Variants in FARS2 observed in about 807,000 individuals in gnomAD.
FARS2 encodes the protein phenylalanyl-tRNA synthetase 2, mitochondrial.
A neutral mutation model predicts 46.4 loss-of-function variants in FARS2; 40 were observed. That is an observed-to-expected ratio of 0.86 (90% CI 0.67 to 1.12). The LOEUF is 1.12. Ranked by LOEUF, FARS2 falls within the 50% of genes most tolerant of loss-of-function variation. The pLI is 0.00. For synonymous variants in FARS2, 234 were observed against 214.9 expected (o/e 1.09, Z -0.78); for missense variants, 513 against 567.9 (o/e 0.90, Z 0.98).
At chr6:5,443,769 T>C (rs1456576067) in intron 4 of FARS2, among the ~76,000 whole-genome samples, 1 of 152,212 alleles carries the variant, frequency 6.6e-6, no homozygotes, top group African/African-American at 2.4e-5. Context: ...AAACATACAT[T>C]GTAGTTGTCA....
intron 4 of FARS2, among the ~76,000 whole-genome samples, chr6:5,490,621 C>A (rs771366331): frequency 6.6e-6 from 1 of 152,152 alleles, no homozygotes; most frequent in African/African-American, 2.4e-5. Flanking sequence ...TAGAGTATAG[C>A]AAAAGAGGTG....
intron 4 of FARS2, among the ~76,000 whole-genome samples, chr6:5,510,216 G>T (rs930892050): frequency 6.6e-6 from 1 of 152,134 alleles, no homozygotes; most frequent in South Asian, 2.1e-4. Context: ...CAGTGATTCT[G>T]TGGATATCTG....
intron 6 of FARS2, among the ~76,000 whole-genome samples, chr6:5,723,424 GC>G (rs1324903919): frequency 6.6e-6 from 1 of 152,198 alleles, no homozygotes; most frequent in Non-Finnish European, 1.5e-5. Context: ...TGGACACGCT[GC>G]AGACCCTTCC....
the FARS2 span, among the ~76,000 whole-genome samples, chr6:5,255,394 C>T: frequency 6.6e-6 from 1 of 152,234 alleles, no homozygotes; most frequent in South Asian, 2.1e-4. Context: ...GCACTAGTGT[C>T]AAACTATCAA....
At chr6:5,660,665 A>G (rs1363988224) in intron 6 of FARS2, among the ~76,000 whole-genome samples, 1 of 151,982 alleles carries the variant, frequency 6.6e-6, no homozygotes, top group African/African-American at 2.4e-5. Flanking sequence ...AAAAAAAAAA[A>G]AAAAGTAACA....
chr6:5,353,940 CT>C (rs200790865), intron 1 of FARS2, among the ~76,000 whole-genome samples: 193 of 136,710 alleles, frequency 1.4e-3, no homozygotes, highest in African/African-American at 1.4e-3. Flanking sequence ...CTGTTTGCTG[CT>C]TTTTTTTTTT....
At chr6:5,320,751 A>G (rs1195323649) in intron 1 of FARS2, among the ~76,000 whole-genome samples, 1 of 152,220 alleles carries the variant, frequency 6.6e-6, no homozygotes, top group Non-Finnish European at 1.5e-5. Flanking sequence ...GCAGCATAAC[A>G]TGAGTGGCTT....
At chr6:5,602,052 A>C (rs1221579814) in intron 5 of FARS2, among the ~76,000 whole-genome samples, 1 of 152,174 alleles carries the variant, frequency 6.6e-6, no homozygotes, top group East Asian at 1.9e-4. Context: ...ACCAAAAAAC[A>C]CAGTAACTTA....
chr6:5,670,870 T>A (rs1778420645), intron 6 of FARS2, among the ~76,000 whole-genome samples: 1 of 152,220 alleles, frequency 6.6e-6, no homozygotes, highest in South Asian at 2.1e-4. Context: ...TCTTCATAAT[T>A]ATTACGAATT....
chr6:5,432,558 A>T (rs1429862117), intron 4 of FARS2, among the ~76,000 whole-genome samples: 1 of 142,398 alleles, frequency 7.0e-6, no homozygotes, highest in Non-Finnish European at 1.5e-5. Context: ...AATCCTCCAA[A>T]AAAAAAAGGG....
At chr6:5,485,955 G>A (rs931546353) in intron 4 of FARS2, among the ~76,000 whole-genome samples, 2 of 152,182 alleles carry the variant, frequency 1.3e-5, no homozygotes, top group African/African-American at 4.8e-5. Context: ...AAGTTCCGTC[G>A]GGCAGCCCTG....
chr6:5,630,139 G>A lies in FARS2; in HGVS notation c.1217+16819G>A, dbSNP rs991625058. Among the ~76,000 whole-genome samples the A allele has an allele frequency of 1.3e-5, 2 of 152,158 alleles. No individual in the cohort carries two copies. Among genetic ancestry groups the A allele is most frequent in the African/African-American group, 4.8e-5 (2 of 41,434 alleles). On this transcript the variant is annotated intron_variant, in intron 6 of 6. Transcript: ENST00000274680. This position sits in a 1 kb window ranked among gnomAD's most constrained non-coding sequence, Gnocchi z 4.2. ...AAATGCCTGGTGAATGTCTAGAACA[G>A]GTGAAGAGCAAGGTGAGGAAAGGAC...
intron 5 of FARS2, among the ~76,000 whole-genome samples, chr6:5,607,038 A>G (rs1309389675): frequency 2.6e-5 from 4 of 152,148 alleles, no homozygotes; most frequent in African/African-American, 4.8e-5. Flanking sequence ...TCCATAGAGC[A>G]CTGTCCCCCA....
intron 2 of FARS2, among the ~76,000 whole-genome samples, chr6:5,387,323 G>A (rs1760200211): frequency 6.6e-6 from 1 of 152,310 alleles, no homozygotes; most frequent in Non-Finnish European, 1.5e-5. Flanking sequence ...CCAGGGGAAG[G>A]CACCCTTTTC....
At chr6:5,386,535 T>C (rs1760144695) in intron 2 of FARS2, among the ~76,000 whole-genome samples, 1 of 152,082 alleles carries the variant, frequency 6.6e-6, no homozygotes, top group Non-Finnish European at 1.5e-5. Flanking sequence ...TGGAAAGAGT[T>C]GTTAGGAGAT....
chr6:5,313,990 G>A (rs527356186), intron 1 of FARS2, among the ~76,000 whole-genome samples: 1 of 152,136 alleles, frequency 6.6e-6, no homozygotes, highest in African/African-American at 2.4e-5. Context: ...AGATTACAAC[G>A]TATAGCAACA....
At chr6:5,601,524 CAAAAAAAAAAAAA>C (rs70975920) in intron 5 of FARS2, among the ~76,000 whole-genome samples, 2 of 92,160 alleles carry the variant, frequency 2.2e-5, no homozygotes, top group Non-Finnish European at 4.0e-5. Flanking sequence ...AACTCCATCA[CAAAAAAAAAAAAA>C]AAAAAAAAAA....
At chr6:5,751,110 T>C (rs1187556181) in intron 6 of FARS2, among the ~76,000 whole-genome samples, 1 of 152,170 alleles carries the variant, frequency 6.6e-6, no homozygotes, top group African/African-American at 2.4e-5. Context: ...AACTCAGTCT[T>C]ACAGATGATA....
chr6:5,693,237 G>A (rs1757879843), intron 6 of FARS2, among the ~76,000 whole-genome samples: 1 of 152,134 alleles, frequency 6.6e-6, no homozygotes, highest in Non-Finnish European at 1.5e-5. Flanking sequence ...AGCTGGAACA[G>A]ATGAAAGAGA....
Sources: gnomAD v4.1 joint callset for allele counts (sites outside exome capture counted in the v4.1 genomes callset) on GRCh38, gnomAD v4.1.1 for gene constraint, Gnocchi (gnomAD v3.1) non-coding constraint, MANE v1.5 for transcripts, NCBI Gene and HGNC (gene_info 2026-07-23, HGNC 2026-07-21) for gene names.